ASAP1: variants seen among roughly 807,000 people sequenced by gnomAD.
The protein encoded by ASAP1 is arf-GAP with SH3 domain, ANK repeat and PH domain-containing protein 1.
In ASAP1, 43 loss-of-function variants were observed where a neutral mutation model predicts 145.2. The ratio of observed to expected loss-of-function variants is 0.30; its 90% CI spans 0.23 to 0.38. The LOEUF (loss-of-function observed/expected upper bound fraction) is 0.38. Among genes scored for constraint, ASAP1 ranks in the 10% least tolerant of loss-of-function variants. The pLI is 1.00. For missense variants in ASAP1, 1,018 were observed against 1,355.3 expected (o/e 0.75, Z 3.91); for synonymous variants, 546 against 515.5 (o/e 1.06, Z -0.80).
At chr8:130,165,600 A>G (rs1022051636) in intron 11 of ASAP1, among the ~76,000 whole-genome samples, 1 of 152,204 alleles carries the variant, frequency 6.6e-6, no homozygotes, top group Non-Finnish European at 1.5e-5. Context: ...GCCTCAAACC[A>G]CAGGTGCAGT....
intron 18 of ASAP1, among the ~76,000 whole-genome samples, chr8:130,123,572 T>C (rs1025165047): frequency 6.6e-6 from 1 of 151,168 alleles, no homozygotes; most frequent in Admixed American, 6.7e-5. Flanking sequence ...CCCCTGACAA[T>C]GGGGTTTGCT....
At chr8:130,216,564 A>G (rs1816940579) in intron 4 of ASAP1, among the ~76,000 whole-genome samples, 1 of 151,890 alleles carries the variant, frequency 6.6e-6, no homozygotes, top group South Asian at 2.1e-4. Context: ...GGTCCTCTCC[A>G]TTGTCTTTGC....
chr8:130,419,008 T>C (rs1307595909), intron 1 of ASAP1, among the ~76,000 whole-genome samples: 1 of 152,112 alleles, frequency 6.6e-6, no homozygotes, highest in Non-Finnish European at 1.5e-5. Flanking sequence ...AAGCTGGAAA[T>C]GGTGCTGTTC....
intron 25 of ASAP1, among the ~76,000 whole-genome samples, chr8:130,085,862 T>C (rs2097491806): frequency 6.6e-6 from 1 of 152,052 alleles, no homozygotes; most frequent in African/African-American, 2.4e-5. Flanking sequence ...GCCTTAGAAG[T>C]CTCCTGAGAC....
At chr8:130,146,818 G>A (rs183290521) in intron 13 of ASAP1, among the ~76,000 whole-genome samples, 19 of 152,316 alleles carry the variant, frequency 1.2e-4, no homozygotes, top group African/African-American at 4.1e-4. Flanking sequence ...TGCCATGGAA[G>A]GTGACAGAGC....
chr8:130,204,944 T>A (rs988992655), intron 5 of ASAP1, among the ~76,000 whole-genome samples: 1 of 152,362 alleles, frequency 6.6e-6, no homozygotes, highest in East Asian at 1.9e-4. Flanking sequence ...GAATTACTTG[T>A]ATAGTAAAAG....
chr8:130,184,836 A>G (rs1467404617), intron 7 of ASAP1, among the ~76,000 whole-genome samples: 3 of 152,240 alleles, frequency 2.0e-5, no homozygotes, highest in Non-Finnish European at 4.4e-5. Context: ...CTGCTTCAAC[A>G]CACTACCTTA....
At position 130,070,265 on chromosome 8, in the gene ASAP1, C is replaced by G. The variant is rs574801579; in HGVS notation, c.2701+6083G>C. On this transcript the variant is annotated intron_variant, in intron 27 of 29. Transcript: ENST00000518721. ...TGTTAGCCAGGATGGTCTCCATCTCCTGACCTCCTGATCTGCCCACCTTGG... is the reference window on the plus strand; with the variant it reads ...TGTTAGCCAGGATGGTCTCCATCTCGTGACCTCCTGATCTGCCCACCTTGG... Among the ~76,000 whole-genome samples the G allele has an allele frequency of 1.1e-3, 167 of 152,274 alleles. 1 individual carries two copies. Among genetic ancestry groups the G allele is most frequent in the African/African-American group, 3.7e-3 (153 of 41,548 alleles).
chr8:130,063,788 T>A lies in ASAP1; in HGVS notation c.2702-2719A>T, dbSNP rs966416746. Among the ~76,000 whole-genome samples the A allele has an allele frequency of 1.4e-4, 22 of 152,256 alleles. No homozygotes were observed. The Middle Eastern group carries it at 0.01, about 71-fold the overall frequency. ...AGGAAAAGGGTTACCATTCCACCCC[T>A]ATTTGCTGGGCATGTGCCGTGCCCA... is the stretch of plus-strand genomic sequence containing the variant. On this transcript the variant is annotated intron_variant, in intron 27 of 29. Transcript: ENST00000518721.
chr8:130,226,526 G>C (rs1341910264), intron 4 of ASAP1, among the ~76,000 whole-genome samples: 1 of 152,140 alleles, frequency 6.6e-6, no homozygotes, highest in Non-Finnish European at 1.5e-5. Context: ...ATGCCACTTT[G>C]GATGATTCAT....
intron 3 of ASAP1, among the ~76,000 whole-genome samples, chr8:130,310,469 G>A (rs913608268): frequency 2.6e-5 from 4 of 152,120 alleles, no homozygotes; most frequent in African/African-American, 9.7e-5. Flanking sequence ...AAACTTCATG[G>A]TGATAGATGT....
chr8:130,117,079 AACT>A, intron 20 of ASAP1, 84 bp from the exon 21 acceptor site: 1 of 864,584 alleles, frequency 1.2e-6, no homozygotes, highest in African/African-American at 1.7e-5. Flanking sequence ...TTGTGCTGAC[AACT>A]GAGTCAAATT....
chr8:130,156,570 A>T (rs2097658620), intron 12 of ASAP1, among the ~76,000 whole-genome samples: 1 of 152,200 alleles, frequency 6.6e-6, no homozygotes, highest in Non-Finnish European at 1.5e-5. Context: ...AAGAACGAAG[A>T]AGTCAAGGGG....
At chr8:130,355,882 C>T (rs1826276471) in intron 3 of ASAP1, among the ~76,000 whole-genome samples, 1 of 152,076 alleles carries the variant, frequency 6.6e-6, no homozygotes, top group African/African-American at 2.4e-5. Context: ...CTGGCCAATA[C>T]CTTCCTCAAG....
intron 4 of ASAP1, among the ~76,000 whole-genome samples, chr8:130,233,177 T>C (rs1047450833): frequency 6.6e-6 from 1 of 152,202 alleles, no homozygotes; most frequent in Non-Finnish European, 1.5e-5. Context: ...AAACTACTAT[T>C]GGTGGTCTCA....
chr8:130,298,033 G>A (rs1822392934), intron 3 of ASAP1, among the ~76,000 whole-genome samples: 1 of 152,148 alleles, frequency 6.6e-6, no homozygotes, highest in Non-Finnish European at 1.5e-5. Context: ...TCCCTTCTTT[G>A]AATCCCCATG....
intron 1 of ASAP1, among the ~76,000 whole-genome samples, chr8:130,423,062 C>A (rs559544796): frequency 1.1e-4 from 17 of 152,178 alleles, no homozygotes; most frequent in African/African-American, 4.1e-4. Context: ...AACTAAATTG[C>A]GCCATTGGTT....
chr8:130,186,072 C>T (rs1814706925), intron 7 of ASAP1, among the ~76,000 whole-genome samples: 3 of 152,056 alleles, frequency 2.0e-5, no homozygotes, highest in Admixed American at 2.0e-4. Flanking sequence ...TTTCTAAGTA[C>T]TTAATTCTAT....
At chr8:130,239,635 T>C (rs1818410054) in intron 3 of ASAP1, among the ~76,000 whole-genome samples, 1 of 152,188 alleles carries the variant, frequency 6.6e-6, no homozygotes, top group African/African-American at 2.4e-5. Flanking sequence ...ACATTTAGAT[T>C]GCTAAGAGCA....
Sources: gnomAD v4.1 joint callset for allele counts (sites outside exome capture counted in the v4.1 genomes callset) on GRCh38, gnomAD v4.1.1 for gene constraint, MANE v1.5 for transcripts, NCBI Gene and HGNC (gene_info 2026-07-23, HGNC 2026-07-21) for gene names.